The following FYB1 variants were observed in gnomAD, a reference collection of about 807,000 sequenced individuals.
FYB1 encodes FYN binding protein 1.
A neutral mutation model predicts 94.1 loss-of-function variants in FYB1; 41 were observed. The ratio of observed to expected loss-of-function variants is 0.44; its 90% CI spans 0.34 to 0.57. The LOEUF (loss-of-function observed/expected upper bound fraction) is 0.57. FYB1 is among the 20% of genes least tolerant of loss of function. FYB1 has a pLI of 0.02. For synonymous variants in FYB1, 367 were observed against 353.2 expected (o/e 1.04, Z -0.44); for missense variants, 1,050 against 976.8 (o/e 1.07, Z -1.00).
In FYB1 at chr5:39,179,608, C is replaced by T. The variant is rs576676191; in HGVS notation, c.1135+22218G>A. ...TTGCCCAGGCTGGAGTGCAGTGGTG[C>T]GATCTCAACTCACTGCAACCTCTGC... is the stretch of plus-strand genomic sequence containing the variant. On this transcript the variant is annotated intron_variant, in intron 2 of 18. Transcript: ENST00000512982. Among the ~76,000 whole-genome samples the T allele has an allele frequency of 6.2e-5, 9 of 145,968 alleles. No homozygotes were observed. The East Asian group carries it at 1.0e-3, about 16-fold the overall frequency.
chr5:39,113,765 A>G lies in FYB1; in HGVS notation c.2402-3376T>C, dbSNP rs545755338. Among the ~76,000 whole-genome samples the G allele has an allele frequency of 3.3e-5, 5 of 152,286 alleles. No individual in the cohort carries two copies. In the South Asian group the frequency reaches 1.0e-3, roughly 32 times the overall value. On this transcript the variant is annotated intron_variant, in intron 16 of 18. Transcript: ENST00000512982. ...AAATGTACTCAATTTGGCCTCATGC[A>G]GTTTAAAAACAAGAAAATCATATTG...
intron 1 of FYB1, among the ~76,000 whole-genome samples, chr5:39,271,239 TA>T (rs34587652): frequency 6.6e-6 from 1 of 151,038 alleles, no homozygotes; most frequent in African/African-American, 2.4e-5. Context: ...TTCATTTCCC[TA>T]AAAAAAAAGT....
At chr5:39,171,659 T>G (rs1745258993) in intron 2 of FYB1, among the ~76,000 whole-genome samples, 1 of 152,222 alleles carries the variant, frequency 6.6e-6, no homozygotes. Flanking sequence ...CAATATTGCC[T>G]GGTATATACT....
chr5:39,236,915 A>T (rs979648415), intron 1 of FYB1, among the ~76,000 whole-genome samples: 3 of 152,134 alleles, frequency 2.0e-5, no homozygotes, highest in African/African-American at 7.2e-5. Flanking sequence ...CGTAGCAGGT[A>T]CTTAAGACTA....
At chr5:39,127,445 T>A (rs1202582159) in intron 11 of FYB1, among the ~76,000 whole-genome samples, 1 of 132,812 alleles carries the variant, frequency 7.5e-6, no homozygotes, top group Non-Finnish European at 1.5e-5. Flanking sequence ...AGTGAGACTC[T>A]GTCTCAAAAA....
At chr5:39,165,918 G>T (rs141240837) in intron 2 of FYB1, among the ~76,000 whole-genome samples, 48 of 152,204 alleles carry the variant, frequency 3.2e-4, no homozygotes, top group East Asian at 1.5e-3. Flanking sequence ...AATTAAAACC[G>T]CAATGAGATA....
intron 1 of FYB1, among the ~76,000 whole-genome samples, chr5:39,206,061 G>T (rs1579675200): frequency 6.6e-6 from 1 of 152,094 alleles, no homozygotes; most frequent in Admixed American, 6.5e-5. Flanking sequence ...TGTTATGTCC[G>T]AATTTTAAAT....
At chr5:39,138,826 G>A in intron 5 of FYB1, 135 bp from the exon 6 acceptor site, 1 of 685,188 alleles carries the variant, frequency 1.5e-6, no homozygotes. Context: ...ATGGTCCAGA[G>A]GAATAACTAC....
At chr5:39,142,434 T>C (rs1258647381) in intron 3 of FYB1, among the ~76,000 whole-genome samples, 1 of 152,200 alleles carries the variant, frequency 6.6e-6, no homozygotes, top group African/African-American at 2.4e-5. Context: ...CTCTACTCTC[T>C]GCACCTGTAT....
chr5:39,142,131 T>G (rs1463299642), intron 3 of FYB1, among the ~76,000 whole-genome samples: 3 of 152,230 alleles, frequency 2.0e-5, no homozygotes, highest in Non-Finnish European at 4.4e-5. Flanking sequence ...TTTTACTGAC[T>G]CTGGACATTA....
chr5:39,235,446 G>A (rs1339154358), intron 1 of FYB1, among the ~76,000 whole-genome samples: 1 of 151,830 alleles, frequency 6.6e-6, no homozygotes, highest in African/African-American at 2.4e-5. Context: ...TCCAAACAGG[G>A]GCAGAGGGAG....
chr5:39,221,251 A>T (rs76591240), upstream of FYB1, among the ~76,000 whole-genome samples: 3,176 of 152,176 alleles, frequency 0.021, 61 homozygotes, highest in East Asian at 0.085. Context: ...AGCTCTTCTG[A>T]TCCAGTGATG....
At chr5:39,207,100 T>A (rs555377357) in intron 1 of FYB1, among the ~76,000 whole-genome samples, 1 of 152,318 alleles carries the variant, frequency 6.6e-6, no homozygotes, top group South Asian at 2.1e-4. Flanking sequence ...TACTTATTCA[T>A]CAGAGGATGT....
intron 1 of FYB1, among the ~76,000 whole-genome samples, chr5:39,246,462 A>C (rs2150599772): frequency 6.6e-6 from 1 of 152,282 alleles, no homozygotes; most frequent in East Asian, 1.9e-4. Flanking sequence ...ATGATTAGTT[A>C]ATTTTCCCTT....
At chr5:39,249,885 C>T (rs1411198864) in intron 1 of FYB1, among the ~76,000 whole-genome samples, 5 of 152,116 alleles carry the variant, frequency 3.3e-5, no homozygotes, top group East Asian at 1.9e-4. Context: ...AATCTCATCT[C>T]AAATTGTAAT....
chr5:39,234,712 A>C (rs1750883977), intron 1 of FYB1, among the ~76,000 whole-genome samples: 1 of 152,202 alleles, frequency 6.6e-6, no homozygotes, highest in South Asian at 2.1e-4. Flanking sequence ...CTATGCAGCC[A>C]TTAAAAAGGA....
chr5:39,208,217 C>T (rs962556461), intron 1 of FYB1, among the ~76,000 whole-genome samples: 1 of 152,064 alleles, frequency 6.6e-6, no homozygotes, highest in Non-Finnish European at 1.5e-5. Flanking sequence ...ACTTGGAAGC[C>T]AGGTTTTACC....
intron 1 of FYB1, among the ~76,000 whole-genome samples, chr5:39,211,787 A>G (rs974977442): frequency 6.6e-6 from 1 of 152,204 alleles, no homozygotes; most frequent in South Asian, 2.1e-4. Context: ...CCCAACAAAC[A>G]CGAAAACATA....
intron 7 of FYB1, among the ~76,000 whole-genome samples, chr5:39,136,287 T>A (rs1041486885): frequency 6.6e-6 from 1 of 152,012 alleles, no homozygotes; most frequent in African/African-American, 2.4e-5. Context: ...GCCAGTATGG[T>A]CTCAATCTCC....
Sources: gnomAD v4.1 joint callset for allele counts (sites outside exome capture counted in the v4.1 genomes callset) on GRCh38, gnomAD v4.1.1 for gene constraint, MANE v1.5 for transcripts, NCBI Gene and HGNC (gene_info 2026-07-23, HGNC 2026-07-21) for gene names.